CNTNAP2: variants seen among roughly 807,000 people sequenced by gnomAD.
The protein encoded by CNTNAP2 is contactin associated protein 2, also known as contactin-associated protein-like 2.
CNTNAP2 carries 98 observed loss-of-function variants against 155.2 expected under a neutral mutation model. That is an observed-to-expected ratio of 0.63 (90% CI 0.54 to 0.75). The LOEUF (loss-of-function observed/expected upper bound fraction) is 0.75, where lower values mean the gene tolerates loss of function less well. Among genes scored for constraint, CNTNAP2 ranks in the 30% least tolerant of loss-of-function variants. The pLI is 0.00. For synonymous variants in CNTNAP2, 651 were observed against 631.2 expected, an observed-to-expected ratio of 1.03 and a Z score of -0.47; for missense variants, 1,727 against 1,688.1, an observed-to-expected ratio of 1.02 and a Z score of -0.40.
At chr7:146,137,871 A>C (rs950945049) in intron 1 of CNTNAP2, among the ~76,000 whole-genome samples, 1 of 152,066 alleles carries the variant, frequency 6.6e-6, no homozygotes, top group Admixed American at 6.6e-5. Flanking sequence ...CATGTAGAAA[A>C]GAATTATATA....
chr7:147,933,547 C>T (rs1035132170), intron 14 of CNTNAP2, among the ~76,000 whole-genome samples: 1 of 129,012 alleles, frequency 7.8e-6, no homozygotes, highest in Non-Finnish European at 1.7e-5. Flanking sequence ...ATAGATATAA[C>T]AGAATATCAT....
intron 20 of CNTNAP2, among the ~76,000 whole-genome samples, chr7:148,245,434 G>C (rs889408270): frequency 6.6e-6 from 1 of 152,216 alleles, no homozygotes; most frequent in African/African-American, 2.4e-5. Flanking sequence ...CTGATGTGGA[G>C]GAGGATGAAG....
At chr7:147,955,839 T>A (rs917760920) in intron 14 of CNTNAP2, among the ~76,000 whole-genome samples, 6 of 152,182 alleles carry the variant, frequency 3.9e-5, no homozygotes, top group African/African-American at 9.7e-5. Flanking sequence ...CAAGAATGCA[T>A]GTATTTTATC....
intron 8 of CNTNAP2, among the ~76,000 whole-genome samples, chr7:147,280,456 T>C (rs1004841163): frequency 6.6e-6 from 1 of 151,948 alleles, no homozygotes; most frequent in Non-Finnish European, 1.5e-5. Context: ...GCCAACATTT[T>C]CATTTTCTTT....
At chr7:147,293,125 A>G (rs1484410046) in intron 8 of CNTNAP2, among the ~76,000 whole-genome samples, 2 of 152,094 alleles carry the variant, frequency 1.3e-5, no homozygotes, top group African/African-American at 2.4e-5. Context: ...CGATCTCCCC[A>G]ATGTATTTGT....
At chr7:147,317,337 C>T (rs1795249823) in intron 9 of CNTNAP2, among the ~76,000 whole-genome samples, 1 of 152,186 alleles carries the variant, frequency 6.6e-6, no homozygotes, top group Admixed American at 6.5e-5. Context: ...CTTGTGATTG[C>T]AATACTTATT....
chr7:147,847,377 A>G (rs1291804131), intron 13 of CNTNAP2, among the ~76,000 whole-genome samples: 2 of 125,528 alleles, frequency 1.6e-5, no homozygotes, highest in African/African-American at 6.2e-5. Context: ...CCTTTCTTCC[A>G]GTTGATCGCA....
At chr7:148,073,585 C>A (rs1803421255) in intron 15 of CNTNAP2, among the ~76,000 whole-genome samples, 1 of 152,076 alleles carries the variant, frequency 6.6e-6, no homozygotes, top group Non-Finnish European at 1.5e-5. Context: ...TTCAAAAATT[C>A]CTTACTTTAC....
At chr7:147,461,298 C>A (rs1798020109) in intron 10 of CNTNAP2, among the ~76,000 whole-genome samples, 1 of 152,078 alleles carries the variant, frequency 6.6e-6, no homozygotes, top group Non-Finnish European at 1.5e-5. Context: ...TAAAAACAAA[C>A]AGTTCATTGG....
intron 13 of CNTNAP2, among the ~76,000 whole-genome samples, chr7:147,686,111 C>T (rs1255581230): frequency 5.9e-5 from 9 of 151,824 alleles, no homozygotes; most frequent in Admixed American, 5.9e-4. Context: ...AGCAGAGGTG[C>T]CACTTAGGAG....
rs543333746 is a variant in CNTNAP2, at chr7:147,956,538, G to A, written c.2256-21324G>A. Among the ~76,000 whole-genome samples the A allele has an allele frequency of 1.5e-4, 23 of 152,246 alleles. No homozygotes were observed. The East Asian group carries it at 2.1e-3, about 14-fold the overall frequency. On this transcript the variant is annotated intron_variant, in intron 14 of 23. Transcript: ENST00000361727. ...GCTTCACTGTGTTCAGCCTTCTGCCGCTGACACCCTTGCCTGAAGACACAT... is the reference window on the plus strand; with the variant it reads ...GCTTCACTGTGTTCAGCCTTCTGCCACTGACACCCTTGCCTGAAGACACAT...
At chr7:147,264,569 T>C (rs1345451071) in intron 8 of CNTNAP2, among the ~76,000 whole-genome samples, 1 of 150,610 alleles carries the variant, frequency 6.6e-6, no homozygotes, top group Admixed American at 6.6e-5. Flanking sequence ...TATCAAACCC[T>C]CTGATGGAGC....
chr7:147,822,779 G>A (rs946352469), intron 13 of CNTNAP2, among the ~76,000 whole-genome samples: 9 of 152,128 alleles, frequency 5.9e-5, no homozygotes, highest in Non-Finnish European at 1.0e-4. Context: ...ATATGACATC[G>A]CTAAGACAGC....
At chr7:146,245,092 C>T (rs546337624) in intron 1 of CNTNAP2, among the ~76,000 whole-genome samples, 1 of 152,064 alleles carries the variant, frequency 6.6e-6, no homozygotes, top group Non-Finnish European at 1.5e-5. Context: ...GCATAGCCTG[C>T]CTTTGCTTGT....
chr7:147,967,921 A>G (rs1200582044), intron 14 of CNTNAP2, among the ~76,000 whole-genome samples: 1 of 152,206 alleles, frequency 6.6e-6, no homozygotes, highest in Non-Finnish European at 1.5e-5. Context: ...GATACTAAAA[A>G]TATTTCAAGA....
chr7:146,144,623 T>C (rs1447087513), intron 1 of CNTNAP2, among the ~76,000 whole-genome samples: 4 of 152,234 alleles, frequency 2.6e-5, no homozygotes, highest in Non-Finnish European at 5.9e-5. Context: ...TAGCCATTGT[T>C]ATTCATTGAC....
At chr7:146,618,671 A>G (rs1439251011) in intron 1 of CNTNAP2, among the ~76,000 whole-genome samples, 3 of 152,186 alleles carry the variant, frequency 2.0e-5, no homozygotes, top group Non-Finnish European at 4.4e-5. Flanking sequence ...TAATGAGTAT[A>G]TATATTTGAC....
intron 1 of CNTNAP2, among the ~76,000 whole-genome samples, chr7:146,250,325 G>C (rs146420478): frequency 6.6e-6 from 1 of 152,256 alleles, no homozygotes; most frequent in South Asian, 2.1e-4. Context: ...CAGAAGGAAC[G>C]GTTTCATGTG....
chr7:146,801,919 A>G (rs748640634), intron 2 of CNTNAP2, among the ~76,000 whole-genome samples: 27 of 152,244 alleles, frequency 1.8e-4, no homozygotes, highest in Non-Finnish European at 2.5e-4. Context: ...GTGTGGAGCA[A>G]GACAGATATG....
Sources: gnomAD v4.1 joint callset for allele counts (sites outside exome capture counted in the v4.1 genomes callset) on GRCh38, gnomAD v4.1.1 for gene constraint, MANE v1.5 for transcripts, NCBI Gene and HGNC (gene_info 2026-07-23, HGNC 2026-07-21) for gene names.